CNTNAP2: variants seen among roughly 807,000 people sequenced by gnomAD.
CNTNAP2 encodes the protein contactin-associated protein-like 2.
A neutral mutation model predicts 155.2 loss-of-function variants in CNTNAP2; 98 were observed. That is an observed-to-expected ratio of 0.63 (90% CI 0.54 to 0.75). CNTNAP2 has a LOEUF of 0.75. Ranked by LOEUF, CNTNAP2 falls within the 30% of genes least tolerant of loss-of-function variation. The probability of loss-of-function intolerance (pLI) is 0.00; values close to 1 mark genes in which losing one functional copy is unlikely to be tolerated. For synonymous variants in CNTNAP2, 651 were observed against 631.2 expected, an observed-to-expected ratio of 1.03 and a Z score of -0.47; for missense variants, 1,727 against 1,688.1, an observed-to-expected ratio of 1.02 and a Z score of -0.40.
intron 10 of CNTNAP2, among the ~76,000 whole-genome samples, chr7:147,465,967 T>A (rs1164853093): frequency 6.6e-6 from 1 of 152,234 alleles, no homozygotes; most frequent in Non-Finnish European, 1.5e-5. Context: ...CATTGCCATA[T>A]TTATATCTAC....
chr7:146,546,547 T>G (rs766356382), intron 1 of CNTNAP2, among the ~76,000 whole-genome samples: 1 of 151,866 alleles, frequency 6.6e-6, no homozygotes, highest in Non-Finnish European at 1.5e-5. Context: ...TTCTATTCTT[T>G]CTACTTGGTA....
chr7:147,752,763 C>T (rs952115490), intron 13 of CNTNAP2, among the ~76,000 whole-genome samples: 2 of 152,128 alleles, frequency 1.3e-5, no homozygotes, highest in Non-Finnish European at 2.9e-5. Flanking sequence ...TTCCTGGGAT[C>T]AAATTATTTG....
intron 4 of CNTNAP2, among the ~76,000 whole-genome samples, chr7:147,046,629 T>A (rs1472154744): frequency 3.9e-5 from 6 of 152,206 alleles, no homozygotes; most frequent in African/African-American, 1.4e-4. Flanking sequence ...GTGTTCACCT[T>A]TGGCCAATAA....
At chr7:147,038,066 G>C (rs1799190368) in intron 3 of CNTNAP2, among the ~76,000 whole-genome samples, 1 of 152,132 alleles carries the variant, frequency 6.6e-6, no homozygotes, top group Non-Finnish European at 1.5e-5. Context: ...AAGGTGGGAG[G>C]ATCGTTTGAT....
At chr7:146,636,468 T>G (rs921934819) in intron 1 of CNTNAP2, among the ~76,000 whole-genome samples, 5 of 152,192 alleles carry the variant, frequency 3.3e-5, no homozygotes, top group African/African-American at 9.7e-5. Flanking sequence ...GGGCTATGAT[T>G]TTTTCAATAT....
intron 1 of CNTNAP2, among the ~76,000 whole-genome samples, chr7:146,674,464 T>C (rs887380499): frequency 4.0e-5 from 6 of 151,756 alleles, no homozygotes; most frequent in Admixed American, 1.3e-4. Flanking sequence ...CCTAATTTGA[T>C]GGACTTTAAA....
intron 1 of CNTNAP2, among the ~76,000 whole-genome samples, chr7:146,463,857 C>A (rs1166657124): frequency 6.6e-6 from 1 of 151,866 alleles, no homozygotes; most frequent in Admixed American, 6.6e-5. Flanking sequence ...AAAATACAAT[C>A]TATTCACTTA....
intron 3 of CNTNAP2, among the ~76,000 whole-genome samples, chr7:146,935,131 G>C (rs1028590714): frequency 6.6e-6 from 1 of 152,136 alleles, no homozygotes; most frequent in African/African-American, 2.4e-5. Context: ...TCTAACCAGG[G>C]AAGTTTCTCC....
chr7:147,449,861 T>G (rs1323458910), intron 10 of CNTNAP2, among the ~76,000 whole-genome samples: 1 of 152,216 alleles, frequency 6.6e-6, no homozygotes, highest in Non-Finnish European at 1.5e-5. Flanking sequence ...CCCTTGTAGC[T>G]TTGATTCCTC....
At position 147,718,340 on chromosome 7, in the gene CNTNAP2, T is replaced by C. The variant is rs1238024314; in HGVS notation, c.2098+79034T>C. Among the ~76,000 whole-genome samples the C allele has an allele frequency of 2.6e-5, 4 of 152,154 alleles. No individual in the cohort carries two copies. The East Asian group carries it at 7.7e-4, about 29-fold the overall frequency. On this transcript the variant is annotated intron_variant, in intron 13 of 23. Transcript: ENST00000361727. ...ATTAATGTAACTGTAGCTATTTTTA[T>C]ACATGGAAACACTCTTAAGGGAAAT...
At chr7:147,591,441 T>G (rs534979559) in intron 12 of CNTNAP2, among the ~76,000 whole-genome samples, 67 of 152,256 alleles carry the variant, frequency 4.4e-4, no homozygotes, top group African/African-American at 1.6e-3. Flanking sequence ...CTTTATGTCC[T>G]CTTTAAAGGT....
In CNTNAP2 at chr7:146,257,011, G is replaced by A. The variant is rs1158263922; in HGVS notation, c.97+140038G>A. 3.9e-5 allele frequency among the ~76,000 whole-genome samples: 6 copies of A among 152,242 alleles called. No homozygotes were observed. The East Asian group carries it at 1.2e-3, about 29-fold the overall frequency. On this transcript the variant is annotated intron_variant, in intron 1 of 23. Coordinates refer to ENST00000361727, the MANE Select transcript of CNTNAP2 (RefSeq NM_014141.6). ...CCACAATGTTTCAAAGCATACATTT[G>A]GTTTGTTTGTTTTTAGCATTTTAAT... is the stretch of plus-strand genomic sequence containing the variant.
Position 146,996,207 on chromosome 7 carries a change from A to G in CNTNAP2, c.403-47700A>G, listed in dbSNP as rs531762291. Reference sequence around the variant, plus strand: ...GTCTTAGTGCCTTTGTAGGAAATCAATTGGCTGTGAAAAAGTAAATTTATG... The same window carrying G: ...GTCTTAGTGCCTTTGTAGGAAATCAGTTGGCTGTGAAAAAGTAAATTTATG... On this transcript the variant is annotated intron_variant, in intron 3 of 23. Transcript: ENST00000361727. 1.1e-4 allele frequency among the ~76,000 whole-genome samples: 16 copies of G among 152,134 alleles called. 1 individual carries two copies. Among genetic ancestry groups the G allele is most frequent in the African/African-American group, 3.4e-4 (14 of 41,534 alleles).
intron 9 of CNTNAP2, among the ~76,000 whole-genome samples, chr7:147,302,600 CCT>C (rs1794964756): frequency 6.6e-6 from 1 of 152,228 alleles, no homozygotes; most frequent in South Asian, 2.1e-4. Context: ...TCAGGCCCCA[CCT>C]CTGGAACTTT....
intron 1 of CNTNAP2, among the ~76,000 whole-genome samples, chr7:146,460,496 T>C (rs1002471259): frequency 6.6e-6 from 1 of 152,202 alleles, no homozygotes; most frequent in African/African-American, 2.4e-5. Context: ...TGAAGCACTG[T>C]TCGCAATAGC....
chr7:146,969,488 G>T (rs1797734926), intron 3 of CNTNAP2, among the ~76,000 whole-genome samples: 1 of 151,920 alleles, frequency 6.6e-6, no homozygotes, highest in African/African-American at 2.4e-5. Flanking sequence ...TATGAATCTG[G>T]GTGCTCTTGT....
intron 8 of CNTNAP2, among the ~76,000 whole-genome samples, chr7:147,143,864 T>C (rs574949614): frequency 6.6e-6 from 1 of 152,334 alleles, no homozygotes; most frequent in African/African-American, 2.4e-5. Context: ...AGAAAATGTA[T>C]TCTCAGGAGC....
At chr7:147,145,689 T>C (rs1801688177) in intron 8 of CNTNAP2, among the ~76,000 whole-genome samples, 1 of 152,212 alleles carries the variant, frequency 6.6e-6, no homozygotes, top group Admixed American at 6.5e-5. Flanking sequence ...TTTATCATTT[T>C]GCTCTATGTT....
At chr7:146,997,293 T>G (rs1798330214) in intron 3 of CNTNAP2, among the ~76,000 whole-genome samples, 1 of 152,160 alleles carries the variant, frequency 6.6e-6, no homozygotes, top group Non-Finnish European at 1.5e-5. Flanking sequence ...ATGTTAAATT[T>G]TGTAAAAAGG....
Sources: gnomAD v4.1 joint callset for allele counts (sites outside exome capture counted in the v4.1 genomes callset) on GRCh38, gnomAD v4.1.1 for gene constraint, MANE v1.5 for transcripts, NCBI Gene and HGNC (gene_info 2026-07-23, HGNC 2026-07-21) for gene names.